TNC: variants seen among roughly 807,000 people sequenced by gnomAD.
The protein encoded by TNC is tenascin.
A neutral mutation model predicts 202.4 loss-of-function variants in TNC; 109 were observed. That is an observed-to-expected ratio of 0.54 (90% confidence interval 0.46 to 0.63). TNC has a LOEUF of 0.63. Ranked by LOEUF, TNC falls within the 30% of genes least tolerant of loss-of-function variation. The pLI is 0.00. For synonymous variants in TNC, 1,007 were observed against 1,089.7 expected (o/e 0.92, Z 1.50); for missense variants, 2,756 against 2,833.3 (o/e 0.97, Z 0.62).
At chr9:115,066,718 G>A (rs1049044504) in intron 10 of TNC, among the ~76,000 whole-genome samples, 6 of 152,040 alleles carry the variant, frequency 3.9e-5, no homozygotes, top group African/African-American at 7.2e-5. Flanking sequence ...TTACATGGTC[G>A]GGAAATAAAT....
chr9:115,062,576 T>C lies in TNC; in HGVS notation c.4033+341A>G, dbSNP rs181693215. On this transcript the variant is annotated intron_variant, in intron 13 of 27. Transcript: ENST00000350763. ...GTGAGCCATGGTCACACCATTGCAT[T>C]CTAGCCTGGGCAAAAGAATGAGACC... 2.3e-3 allele frequency among the ~76,000 whole-genome samples: 339 copies of C among 150,130 alleles called. 1 individual carries two copies. Among genetic ancestry groups the C allele is most frequent in the Non-Finnish European group, 4.1e-3 (276 of 67,712 alleles).
chr9:115,086,128 C>G lies in TNC; in HGVS notation c.1603G>C (p.Asp535His), dbSNP rs1721297656. 6.2e-7 allele frequency: 1 copy of G among 1,614,012 alleles called. No homozygotes were observed. Among genetic ancestry groups the G allele is most frequent in the East Asian group, 2.2e-5 (1 of 44,882 alleles). The change falls in exon 3 of 28, where the codon GAC becomes CAC. Residue 535 changes from aspartate (D) to histidine (H), a missense_variant. By Grantham distance (81) the Asp-to-His change is moderately conservative. Coordinates refer to ENST00000350763, the MANE Select transcript of TNC (RefSeq NM_002160.4). The part of the protein sequence containing the change: ...PDCAELSCPN[D>H]CHGQGRCVNG... ...ACACAGCGACCCTGGCCATGGCAGT[C>G]ATTTGGACAGGAGAGTTCTGCACAG... is the stretch of plus-strand genomic sequence containing the variant.
chr9:115,044,529 T>C (rs539692205), intron 17 of TNC, among the ~76,000 whole-genome samples: 1 of 151,888 alleles, frequency 6.6e-6, no homozygotes, highest in South Asian at 2.1e-4. Context: ...CTTTTTTTTT[T>C]GTTGTTCTTA....
At position 115,020,724 on chromosome 9, in the gene TNC, TA is replaced by T; in HGVS notation, c.*432del. 2.8e-5 allele frequency: 8 copies of T among 287,498 alleles called. No homozygotes were observed. The highest frequency in any genetic ancestry group is 8.6e-5 in the East Asian group (1 of 11,588). The allele number at this position is 287,498 out of a possible 1,614,324, so 17.8% of individuals were successfully genotyped here. A position where few individuals can be genotyped will look rare whatever the true frequency, so the allele number is the denominator to read the frequency against. ...TTTCTGGTTTCTGTTGTATGAAATG[TA>T]AAAAAAGGGATGGCTTCCAATGACA... On this transcript the variant is annotated 3_prime_UTR_variant, in exon 28 of 28. Coordinates refer to ENST00000350763, the MANE Select transcript of TNC (RefSeq NM_002160.4).
intron 8 of TNC, 46 bp from the exon 9 acceptor site, chr9:115,076,167 G>C (rs1332611085): frequency 6.4e-7 from 1 of 1,573,516 alleles, no homozygotes. Flanking sequence ...AAATCAGAGA[G>C]ACTTTCAGAG....
intron 7 of TNC, among the ~76,000 whole-genome samples, chr9:115,076,929 C>T (rs995718303): frequency 7.9e-5 from 12 of 152,222 alleles, no homozygotes; most frequent in African/African-American, 2.2e-4. Flanking sequence ...ACAAGAGTCT[C>T]GCTCTGTCAC....
chr9:115,053,913 C>T (rs1588074175), intron 15 of TNC, among the ~76,000 whole-genome samples: 1 of 152,296 alleles, frequency 6.6e-6, no homozygotes, highest in East Asian at 1.9e-4. Context: ...TAGATGGTTT[C>T]CCTGAGGTTA....
chr9:115,042,390 G>A (rs1196941193), intron 17 of TNC, 49 bp from the exon 18 acceptor site: 12 of 1,600,636 alleles, frequency 7.5e-6, no homozygotes, highest in African/African-American at 1.3e-5. Context: ...TAACTGTCTT[G>A]TTCATCAATG....
intron 21 of TNC, 39 bp from the exon 22 acceptor site, chr9:115,035,373 C>T (rs1588018483): frequency 6.3e-7 from 1 of 1,579,274 alleles, no homozygotes; most frequent in African/African-American, 1.4e-5. Context: ...ATAAGATCAG[C>T]AAATGTAGGG....
rs549033566 is a variant in TNC, at chr9:115,026,954, C to T, written c.6170-259G>A. Among the ~76,000 whole-genome samples the T allele has an allele frequency of 4.7e-4, 72 of 151,642 alleles. 1 individual carries two copies. The highest frequency in any genetic ancestry group is 9.6e-4 in the Non-Finnish European group (65 of 67,858). ...CGAAACCCTGTCTCTACTAAAAATA[C>T]AAAAATTAGCTGGGTGTGGTGGTGG... On this transcript the variant is annotated intron_variant, in intron 25 of 27. Coordinates refer to ENST00000350763, the MANE Select transcript of TNC (RefSeq NM_002160.4).
intron 17 of TNC, among the ~76,000 whole-genome samples, chr9:115,044,458 A>G (rs1831025025): frequency 6.6e-6 from 1 of 151,566 alleles, no homozygotes; most frequent in South Asian, 2.1e-4. Context: ...GCTATAAGCT[A>G]CTAGGCTCTA....
In TNC at chr9:115,076,527, C is replaced by G. The variant is rs149919435; in HGVS notation, c.2723G>C (p.Ser908Thr). The G allele has an allele frequency of 6.2e-7, 1 of 1,614,214 alleles. No individual in the cohort carries two copies. The highest frequency in any genetic ancestry group is 8.5e-7 in the Non-Finnish European group (1 of 1,180,044). ...NLRRVSQTDNSITLEWRNGKA... is the reference protein window; with the variant it reads ...NLRRVSQTDNTITLEWRNGKA... The stretch of plus-strand genomic sequence containing the variant: ...GCCATTCCTCCATTCCAGGGTGATG[C>G]TGTTATCTGTCTGGGAAACACGTCG... The change falls in exon 8 of 28, where the codon AGC becomes ACC. Residue 908 changes from serine (S) to threonine (T), a missense_variant. By Grantham distance (58) the Ser-to-Thr change is moderately conservative. This residue lies in a region of TNC where 2,559 missense variants were observed against 2,546.0 expected (regional missense o/e 1.01). Coordinates refer to ENST00000350763, the MANE Select transcript of TNC (RefSeq NM_002160.4).
At chr9:115,099,878 T>A (rs1228287982) in intron 1 of TNC, among the ~76,000 whole-genome samples, 1 of 152,198 alleles carries the variant, frequency 6.6e-6, no homozygotes, top group African/African-American at 2.4e-5. Context: ...TGTATAAATC[T>A]TAGTATTTCA....
intron 17 of TNC, among the ~76,000 whole-genome samples, chr9:115,044,384 GACACACACAC>G (rs113847516): frequency 7.5e-5 from 11 of 147,210 alleles, no homozygotes; most frequent in South Asian, 2.2e-4. Context: ...CAGGCATGTA[GACACACACAC>G]ACACACACAC....
At chr9:115,058,182 T>G (rs1366291661) in intron 14 of TNC, among the ~76,000 whole-genome samples, 2 of 152,222 alleles carry the variant, frequency 1.3e-5, no homozygotes, top group Non-Finnish European at 2.9e-5. Context: ...ACATTTTGTC[T>G]TGAAGATGGT....
At chr9:115,059,696 T>C in intron 14 of TNC, 34 bp downstream of exon 14, 5 of 1,542,886 alleles carry the variant, frequency 3.2e-6, no homozygotes, top group Non-Finnish European at 4.4e-6. Flanking sequence ...GCAAAGAACC[T>C]TGGGGAGAAA....
chr9:115,100,894 TG>T (rs1193799827), intron 1 of TNC, among the ~76,000 whole-genome samples: 3 of 152,120 alleles, frequency 2.0e-5, no homozygotes, highest in African/African-American at 2.4e-5. Flanking sequence ...TCAATAAAGC[TG>T]GGGGAAAAAA....
At chr9:115,102,917 C>T (rs763429545) in intron 1 of TNC, among the ~76,000 whole-genome samples, 7 of 152,174 alleles carry the variant, frequency 4.6e-5, no homozygotes, top group African/African-American at 1.7e-4. Flanking sequence ...ATAGCAGGTT[C>T]TTATATTGTG....
rs200739095 is a variant in TNC at position 115,040,515 on chromosome 9, A to G, written c.5392+426T>C. 7.2e-5 allele frequency among the ~76,000 whole-genome samples: 11 copies of G among 152,334 alleles called. No homozygotes were observed. In the East Asian group the frequency reaches 1.5e-3, roughly 21 times the overall value. On this transcript the variant is annotated intron_variant, in intron 19 of 27. Transcript: ENST00000350763. ...CAATTGTATTTCAGGATGCTTTACA[A>G]ACACAGCTTCATGTGATCCTTACCA...
Sources: allele counts gnomAD v4.1 joint callset (sites outside exome capture counted in the v4.1 genomes callset), GRCh38; gene constraint gnomAD v4.1.1; regional missense constraint gnomAD v4.1.1; transcripts MANE v1.5; gene names NCBI Gene and HGNC (gene_info 2026-07-23, HGNC 2026-07-21).